PCDHA8: variants seen among roughly 807,000 people sequenced by gnomAD.
The protein encoded by PCDHA8 is protocadherin alpha-8.
In PCDHA8, 53 loss-of-function variants were observed where a neutral mutation model predicts 61.8. The ratio of observed to expected loss-of-function variants is 0.86; its 90% CI spans 0.69 to 1.08. The LOEUF (loss-of-function observed/expected upper bound fraction) is 1.08, where lower values mean the gene tolerates loss of function less well. PCDHA8 is among the 50% of genes least tolerant of loss of function. The pLI, the probability that PCDHA8 is intolerant of heterozygous loss-of-function variation, is 0.00. For missense variants in PCDHA8, 1,293 were observed against 1,245.0 expected (o/e 1.04, Z -0.58); for synonymous variants, 618 against 556.6 (o/e 1.11, Z -1.55).
Position 140,870,243 on chromosome 5 carries a change from C to A in PCDHA8, c.2394+26528C>A, listed in dbSNP as rs782592982. 3.1e-6 allele frequency: 5 copies of A among 1,614,176 alleles called. No homozygotes were observed. The East Asian group carries it at 6.7e-5, about 22-fold the overall frequency. On this transcript the variant is annotated intron_variant, in intron 1 of 3. Transcript: ENST00000531613. Reference sequence around the variant, plus strand: ...GCGTGTCTGACCGTGACTCAGGTGTCAACGGACAGGTGACCTGCTCGCTGA... The same window carrying A: ...GCGTGTCTGACCGTGACTCAGGTGTAAACGGACAGGTGACCTGCTCGCTGA...
Position 140,843,455 on chromosome 5 carries a change from G to C in PCDHA8, c.2134G>C (p.Val712Leu). ...CATCTGCGCGGTATCCAGCCTGCTG[G>C]TGCTCACGCTGCTGCTGTACACTGC... ...IAICAVSSLL[V>L]LTLLLYTALR... Residue 712 changes from valine to leucine, a missense_variant, in exon 1 of 4, where the codon GTG becomes CTG. Physicochemically the swap from Val to Leu is conservative, Grantham distance 32 (BLOSUM62 1). Transcript: ENST00000531613. The C allele has an allele frequency of 6.3e-7, 1 of 1,596,110 alleles. No individual in the cohort carries two copies. The highest frequency in any genetic ancestry group is 8.6e-7 in the Non-Finnish European group (1 of 1,165,632).
rs1777250619 is a variant in PCDHA8, at chr5:140,841,468, G to T, written c.147G>T (p.Ala49=). 7 of 1,612,868 alleles carry T rather than the reference G, an allele frequency of 4.3e-6. No individual in the cohort carries two copies. Among genetic ancestry groups the T allele is most frequent in the African/African-American group, 1.3e-5 (1 of 74,848 alleles). ...AKHGTFVGRI[A]QDLGLELAEL... ...ACGGCACCTTCGTGGGCCGGATCGC[G>T]CAGGACCTGGGGCTGGAGCTGGCGG... Residue 49 remains alanine, a synonymous_variant, in exon 1 of 4, where the codon GCG becomes GCT. Coordinates refer to ENST00000531613, the MANE Select transcript of PCDHA8 (RefSeq NM_018911.3).
chr5:140,968,823 A>G (rs569036779), intron 1 of PCDHA8: 3 of 1,614,192 alleles, frequency 1.9e-6, no homozygotes, highest in Non-Finnish European at 2.5e-6. Context: ...AGGGTTTCCA[A>G]AATCCTCCCT....
At chr5:140,890,854 T>C (rs1320462436) in intron 1 of PCDHA8, among the ~76,000 whole-genome samples, 1 of 152,232 alleles carries the variant, frequency 6.6e-6, no homozygotes, top group African/African-American at 2.4e-5. Context: ...TTTCTCTTCC[T>C]TACTTCTTGC....
chr5:140,909,601 C>G (rs1554193864), intron 1 of PCDHA8, among the ~76,000 whole-genome samples: 1 of 152,170 alleles, frequency 6.6e-6, no homozygotes, highest in Non-Finnish European at 1.5e-5. Context: ...TACTATTTTT[C>G]TAGGTAGAGG....
chr5:140,981,498 T>C (rs1299157295), intron 2 of PCDHA8, among the ~76,000 whole-genome samples: 1 of 152,146 alleles, frequency 6.6e-6, no homozygotes, highest in African/African-American at 2.4e-5. Context: ...TGCTTGAACC[T>C]GGGAGGCAGA....
chr5:140,894,293 T>A (rs782004160), intron 1 of PCDHA8, among the ~76,000 whole-genome samples: 1 of 152,100 alleles, frequency 6.6e-6, no homozygotes, highest in Non-Finnish European at 1.5e-5. Context: ...TGAAGTTTAT[T>A]TTCCTGGAAA....
intron 1 of PCDHA8, among the ~76,000 whole-genome samples, chr5:140,912,933 C>T (rs1433213824): frequency 6.6e-6 from 1 of 152,070 alleles, no homozygotes; most frequent in African/African-American, 2.4e-5. Context: ...TTGAATCATC[C>T]TTGTATCCCT....
chr5:140,848,233 T>A lies in PCDHA8; in HGVS notation c.2394+4518T>A. 2 of 410,950 alleles carry A rather than the reference T, an allele frequency of 4.9e-6. 1 individual carries two copies. The allele number at this position is 410,950 out of a possible 1,614,324, so 25.5% of individuals were successfully genotyped here. A position where few individuals can be genotyped will look rare whatever the true frequency, so the allele number is the denominator to read the frequency against. Reference sequence around the variant, plus strand: ...TTAAGAAAAAATTAAGAAAATGAAATAAGTTTTGCAGAATAACTGTGAAAT... The same window carrying A: ...TTAAGAAAAAATTAAGAAAATGAAAAAAGTTTTGCAGAATAACTGTGAAAT... On this transcript the variant is annotated intron_variant, in intron 1 of 3. Transcript: ENST00000531613.
intron 1 of PCDHA8, chr5:140,875,980 T>A: frequency 6.2e-7 from 1 of 1,614,062 alleles, no homozygotes; most frequent in East Asian, 2.2e-5. Context: ...TCTTTTGACC[T>A]ATGCGTTAAG....
intron 1 of PCDHA8, chr5:140,870,894 T>C (rs2052511877): frequency 1.2e-6 from 2 of 1,613,938 alleles, no homozygotes; most frequent in East Asian, 2.2e-5. Flanking sequence ...GCGCAGTGGA[T>C]GCGGACTCAG....
chr5:140,844,775 A>G (rs959672555), intron 1 of PCDHA8, among the ~76,000 whole-genome samples: 1 of 149,266 alleles, frequency 6.7e-6, no homozygotes, highest in Non-Finnish European at 1.5e-5. Flanking sequence ...AAGATACTTT[A>G]TTTTGGTATC....
At chr5:140,968,591 G>A (rs1289458266) in intron 1 of PCDHA8, 3 of 1,614,098 alleles carry the variant, frequency 1.9e-6, no homozygotes, top group Non-Finnish European at 2.5e-6. Flanking sequence ...CAAAGTCATA[G>A]CTATGGACTC....
Position 140,872,869 on chromosome 5 carries a change from T to G in PCDHA8, c.2394+29154T>G, listed in dbSNP as rs192241401. On this transcript the variant is annotated intron_variant, in intron 1 of 3. Coordinates refer to ENST00000531613, the MANE Select transcript of PCDHA8 (RefSeq NM_018911.3). ...ATTAATGTGAGTACCTACTGACAAT[T>G]ATCAGTTTCATTCATCTCACTTTGT... is the stretch of plus-strand genomic sequence containing the variant. 4.6e-5 allele frequency among the ~76,000 whole-genome samples: 7 copies of G among 152,364 alleles called. No individual in the cohort carries two copies. In the East Asian group the frequency reaches 1.3e-3, roughly 29 times the overall value.
chr5:141,002,853 G>C (rs781830862), intron 3 of PCDHA8, among the ~76,000 whole-genome samples: 1 of 152,184 alleles, frequency 6.6e-6, no homozygotes, highest in Non-Finnish European at 1.5e-5. Context: ...ACTAGTGAGA[G>C]AACCAGGGCA....
chr5:140,870,200 C>A, intron 1 of PCDHA8: 1 of 1,614,174 alleles, frequency 6.2e-7, no homozygotes, highest in South Asian at 1.1e-5. Flanking sequence ...CAGCCCAGCA[C>A]GGTCATTGCC....
intron 1 of PCDHA8, chr5:140,857,618 C>T: frequency 6.3e-7 from 1 of 1,596,552 alleles, no homozygotes; most frequent in Non-Finnish European, 8.6e-7. Flanking sequence ...GCCGCTGGAC[C>T]ACGAGGAGCT....
At chr5:140,885,297 T>G (rs565705321) in intron 1 of PCDHA8, among the ~76,000 whole-genome samples, 30 of 152,302 alleles carry the variant, frequency 2.0e-4, no homozygotes, top group Admixed American at 5.9e-4. Context: ...GAGAGAGACC[T>G]GGTAGGCTTT....
At chr5:140,913,348 C>A (rs1233529642) in intron 1 of PCDHA8, among the ~76,000 whole-genome samples, 1 of 152,080 alleles carries the variant, frequency 6.6e-6, no homozygotes, top group East Asian at 1.9e-4. Context: ...TCCATTTCCT[C>A]TAGATTTTTA....
Sources: allele counts gnomAD v4.1 joint callset (sites outside exome capture counted in the v4.1 genomes callset), GRCh38; gene constraint gnomAD v4.1.1; transcripts MANE v1.5; gene names NCBI Gene and HGNC (gene_info 2026-07-23, HGNC 2026-07-21).